ABTB3: variants seen among roughly 807,000 people sequenced by gnomAD.
ABTB3 encodes the protein ankyrin repeat- and BTB/POZ domain-containing protein 3.
the ABTB3 span, among the ~76,000 whole-genome samples, chr12:107,353,969 G>C: frequency 6.6e-6 from 1 of 152,056 alleles, no homozygotes; most frequent in Non-Finnish European, 1.5e-5. Context: ...CACTGCTCTA[G>C]TAGACCAGTA....
At chr12:107,491,742 G>T in the ABTB3 span, among the ~76,000 whole-genome samples, 1 of 149,680 alleles carries the variant, frequency 6.7e-6, no homozygotes, top group Non-Finnish European at 1.5e-5. Context: ...AAATTTGATT[G>T]AACTTGGTAG....
chr12:107,338,664 C>T, the ABTB3 span, among the ~76,000 whole-genome samples: 3 of 152,070 alleles, frequency 2.0e-5, no homozygotes, highest in East Asian at 5.8e-4. Context: ...GGACATAATC[C>T]CCCAACTCTT....
At chr12:107,374,872 A>G in the ABTB3 span, 1 of 152,516 alleles carries the variant, frequency 6.6e-6, no homozygotes, top group Non-Finnish European at 1.5e-5. Flanking sequence ...TTCCTCTACA[A>G]TGAATAATTT....
the ABTB3 span, among the ~76,000 whole-genome samples, chr12:107,432,922 C>T: frequency 6.6e-6 from 1 of 152,104 alleles, no homozygotes; most frequent in African/African-American, 2.4e-5. Context: ...TCTCCACAGC[C>T]CACTCATTAA....
chr12:107,461,474 G>T, the ABTB3 span, among the ~76,000 whole-genome samples: 145 of 152,260 alleles, frequency 9.5e-4, no homozygotes, highest in African/African-American at 3.4e-3. Flanking sequence ...AGCCAGGAGA[G>T]GGGCACAAGT....
At chr12:107,329,193 G>A in the ABTB3 span, among the ~76,000 whole-genome samples, 1 of 152,196 alleles carries the variant, frequency 6.6e-6, no homozygotes, top group African/African-American at 2.4e-5. Context: ...TTCTACTGCA[G>A]AGGAGACTGA....
the ABTB3 span, among the ~76,000 whole-genome samples, chr12:107,596,619 AAAC>A: frequency 3.3e-5 from 5 of 152,128 alleles, no homozygotes; most frequent in Admixed American, 1.3e-4. Context: ...CATCTCAAAA[AAAC>A]AACAACAACA....
chr12:107,609,316 A>C, the ABTB3 span, among the ~76,000 whole-genome samples: 3 of 152,206 alleles, frequency 2.0e-5, no homozygotes, highest in Non-Finnish European at 2.9e-5. Context: ...TTTCATCATT[A>C]ATTGATTGAT....
the ABTB3 span, among the ~76,000 whole-genome samples, chr12:107,564,088 CTCTGTGTGTGTGTGTGTGTGTGTG>C: frequency 6.5e-5 from 9 of 137,950 alleles, no homozygotes; most frequent in African/African-American, 2.5e-4. Context: ...CTATCTATCT[CTCTGTGTGTGTGTGTGTGTGTGTG>C]TGTGTGTGTG....
chr12:107,507,028 T>A, the ABTB3 span, among the ~76,000 whole-genome samples: 1 of 152,264 alleles, frequency 6.6e-6, no homozygotes, highest in South Asian at 2.1e-4. Flanking sequence ...ATTTTGAAAA[T>A]AGCTTACATG....
At chr12:107,350,738 G>A in the ABTB3 span, among the ~76,000 whole-genome samples, 1 of 152,140 alleles carries the variant, frequency 6.6e-6, no homozygotes, top group Non-Finnish European at 1.5e-5. Flanking sequence ...TTTTAAAAAG[G>A]TGATATCTTC....
the ABTB3 span, among the ~76,000 whole-genome samples, chr12:107,342,364 G>T: frequency 9.4e-3 from 1,438 of 152,210 alleles, 26 homozygotes; most frequent in African/African-American, 0.033. Flanking sequence ...TAGTTGGCTT[G>T]CTCTGTCCCT....
At chr12:107,339,069 G>C in the ABTB3 span, among the ~76,000 whole-genome samples, 1 of 152,198 alleles carries the variant, frequency 6.6e-6, no homozygotes, top group Non-Finnish European at 1.5e-5. Context: ...CTCAAAAGGA[G>C]AGGAGGATGT....
At chr12:107,489,038 C>A in the ABTB3 span, among the ~76,000 whole-genome samples, 2 of 152,250 alleles carry the variant, frequency 1.3e-5, no homozygotes, top group African/African-American at 4.8e-5. Context: ...GCATCTCAAG[C>A]TCTCTTGTTA....
At chr12:107,594,958 T>G in the ABTB3 span, among the ~76,000 whole-genome samples, 1 of 152,018 alleles carries the variant, frequency 6.6e-6, no homozygotes, top group Non-Finnish European at 1.5e-5. Context: ...CTCTGTGTAT[T>G]GCAGGAAGCT....
the ABTB3 span, among the ~76,000 whole-genome samples, chr12:107,336,279 A>T: frequency 6.6e-6 from 1 of 152,248 alleles, no homozygotes; most frequent in Admixed American, 6.5e-5. Flanking sequence ...CGCTGACGTG[A>T]GCAAATGATG....
the ABTB3 span, chr12:107,617,538 C>G: frequency 6.8e-7 from 1 of 1,465,172 alleles, no homozygotes; most frequent in Non-Finnish European, 9.1e-7. Flanking sequence ...GATGTGGGGC[C>G]CAGAGGCAGT....
chr12:107,499,112 G>T, the ABTB3 span, among the ~76,000 whole-genome samples: 2 of 152,130 alleles, frequency 1.3e-5, no homozygotes, highest in Non-Finnish European at 2.9e-5. Context: ...CACACAGTAG[G>T]CACTCAGGAA....
chr12:107,541,092 C>T, the ABTB3 span, among the ~76,000 whole-genome samples: 2 of 152,200 alleles, frequency 1.3e-5, no homozygotes, highest in African/African-American at 4.8e-5. Flanking sequence ...ACCTCATTCC[C>T]ATAATCAACC....
Sources: allele counts gnomAD v4.1 joint callset (sites outside exome capture counted in the v4.1 genomes callset), GRCh38; gene constraint gnomAD v4.1.1; transcripts MANE v1.5; gene names NCBI Gene and HGNC (gene_info 2026-07-23, HGNC 2026-07-21).